Variants in TMEM232 observed in about 807,000 individuals in gnomAD.
TMEM232 encodes transmembrane protein 232.
TMEM232 carries 80 observed loss-of-function variants against 78.8 expected under a neutral mutation model. That is an observed-to-expected ratio of 1.01 (90% CI 0.85 to 1.22). The LOEUF (loss-of-function observed/expected upper bound fraction) is 1.22, where lower values mean the gene tolerates loss of function less well. TMEM232 is among the 50% of genes most tolerant of loss of function. The pLI is 0.00. For missense variants in TMEM232, 881 were observed against 742.2 expected (o/e 1.19, Z -2.17); for synonymous variants, 297 against 254.3 (o/e 1.17, Z -1.60).
At chr5:110,595,731 G>C (rs772081690) in intron 10 of TMEM232, among the ~76,000 whole-genome samples, 2 of 152,108 alleles carry the variant, frequency 1.3e-5, no homozygotes, top group Non-Finnish European at 2.9e-5. Flanking sequence ...AGAGAAAAAA[G>C]AATGAAAAGG....
intron 2 of TMEM232, among the ~76,000 whole-genome samples, chr5:110,645,954 C>G (rs1054811229): frequency 6.6e-6 from 1 of 151,320 alleles, no homozygotes; most frequent in African/African-American, 2.4e-5. Context: ...GAAAACAATC[C>G]TATTTATAAT....
intron 2 of TMEM232, among the ~76,000 whole-genome samples, chr5:110,653,742 A>G (rs1260130125): frequency 2.6e-5 from 4 of 152,196 alleles, no homozygotes; most frequent in Non-Finnish European, 5.9e-5. Flanking sequence ...CATCAAGATA[A>G]TTGGACGGGA....
chr5:110,677,736 A>C (rs1294289811), intron 1 of TMEM232, among the ~76,000 whole-genome samples: 1 of 152,186 alleles, frequency 6.6e-6, no homozygotes, highest in Non-Finnish European at 1.5e-5. Context: ...TTTGACATTA[A>C]ATTTTGAAAA....
At position 110,566,555 on chromosome 5, in the gene TMEM232, A is replaced by G. The variant is rs138950752; in HGVS notation, c.1455+1892T>C. ...TCTAGAGCAGGGGCAAAATGCTGCC[A>G]GTCTCTTTGCATAGCAAGAGTGACC... is the stretch of plus-strand genomic sequence containing the variant. On this transcript the variant is annotated intron_variant, in intron 11 of 13. Coordinates refer to ENST00000455884, the MANE Select transcript of TMEM232 (RefSeq NM_001039763.4). 3.6e-3 allele frequency among the ~76,000 whole-genome samples: 553 copies of G among 152,074 alleles called. 2 individuals are homozygous for G. The highest frequency in any genetic ancestry group is 0.013 in the African/African-American group (538 of 41,540).
At chr5:110,506,204 A>AT (rs1222680742) in intron 12 of TMEM232, among the ~76,000 whole-genome samples, 2 of 151,746 alleles carry the variant, frequency 1.3e-5, no homozygotes, top group African/African-American at 4.8e-5. Flanking sequence ...AAACTGACCT[A>AT]TTTTTTTCCA....
chr5:110,532,524 C>A (rs894618031), intron 11 of TMEM232, among the ~76,000 whole-genome samples: 2 of 151,990 alleles, frequency 1.3e-5, no homozygotes, highest in Non-Finnish European at 2.9e-5. Flanking sequence ...TTAAAACTCC[C>A]CAACTCTGGT....
At position 110,651,999 on chromosome 5, in the gene TMEM232, AT is replaced by A. The variant is rs1788382058; in HGVS notation, c.126-9629del. Among the ~76,000 whole-genome samples, 4 of 152,130 alleles carry A rather than the reference AT, an allele frequency of 2.6e-5. No homozygotes were observed. In the South Asian group the frequency reaches 8.3e-4, roughly 31 times the overall value. On this transcript the variant is annotated intron_variant, in intron 2 of 13. Transcript: ENST00000455884. ...CAAACATCTGGTGTTTGCTTTATAT[AT>A]ACTGCTTGAAATGTATAAAATGTAC...
chr5:110,677,076 T>C (rs927756504), intron 1 of TMEM232, among the ~76,000 whole-genome samples: 5 of 152,176 alleles, frequency 3.3e-5, no homozygotes, highest in Non-Finnish European at 5.9e-5. Flanking sequence ...GCTTGTGTAA[T>C]AGCCATTCTA....
intron 12 of TMEM232, among the ~76,000 whole-genome samples, chr5:110,487,404 G>A (rs1366365638): frequency 6.6e-6 from 1 of 152,064 alleles, no homozygotes; most frequent in African/African-American, 2.4e-5. Flanking sequence ...CAGAGGGAAT[G>A]CTTTCAACTT....
intron 12 of TMEM232, among the ~76,000 whole-genome samples, chr5:110,491,424 A>G (rs1005610820): frequency 6.6e-6 from 1 of 152,016 alleles, no homozygotes. Flanking sequence ...CAAAAAGTTA[A>G]ACTCTATGTA....
At chr5:110,467,288 G>T (rs1274925610) in intron 12 of TMEM232, among the ~76,000 whole-genome samples, 2 of 152,144 alleles carry the variant, frequency 1.3e-5, no homozygotes, top group South Asian at 2.1e-4. Flanking sequence ...TGTCAGTTCT[G>T]CCTGCAGAAT....
intron 12 of TMEM232, among the ~76,000 whole-genome samples, chr5:110,496,793 A>G (rs1216063647): frequency 2.0e-5 from 3 of 152,044 alleles, no homozygotes; most frequent in Middle Eastern, 3.2e-3. Context: ...CCAATTTTTG[A>G]GAAAAAAATA....
chr5:110,667,561 T>C lies in TMEM232; in HGVS notation c.-12-197A>G, dbSNP rs879035997. The C allele has an allele frequency of 8.3e-6, 3 of 359,576 alleles. No individual in the cohort carries two copies. The South Asian group carries it at 1.5e-4, about 18-fold the overall frequency. The allele number at this position is 359,576 out of a possible 1,614,324, so 22.3% of individuals were successfully genotyped here. A position where few individuals can be genotyped will look rare whatever the true frequency, so the allele number is the denominator to read the frequency against. ...AAATAAGTACAAAAAGTTACTATTA[T>C]AAGTATATATATCCAGTCTTTATTA... On this transcript the variant is annotated intron_variant, in intron 1 of 13. Coordinates refer to ENST00000455884, the MANE Select transcript of TMEM232 (RefSeq NM_001039763.4).
chr5:110,611,623 A>G (rs1782288016), intron 8 of TMEM232, among the ~76,000 whole-genome samples: 1 of 152,114 alleles, frequency 6.6e-6, no homozygotes, highest in African/African-American at 2.4e-5. Context: ...TTTTTTCAAT[A>G]TAATGGCAAT....
At chr5:110,547,790 G>A (rs1245367637) in intron 11 of TMEM232, among the ~76,000 whole-genome samples, 1 of 151,996 alleles carries the variant, frequency 6.6e-6, no homozygotes, top group African/African-American at 2.4e-5. Context: ...TTGAGGTCAG[G>A]AGCTTGAGAC....
At chr5:110,711,902 C>T (rs113625662) in intron 1 of TMEM232, among the ~76,000 whole-genome samples, 18 of 151,948 alleles carry the variant, frequency 1.2e-4, no homozygotes, top group African/African-American at 4.1e-4. Flanking sequence ...GTCAGGAGAA[C>T]AAGACCATAC....
chr5:110,454,041 T>C (rs1021966593), intron 12 of TMEM232, among the ~76,000 whole-genome samples: 4 of 152,118 alleles, frequency 2.6e-5, no homozygotes, highest in African/African-American at 4.8e-5. Flanking sequence ...AATAAAGAAA[T>C]AGACAAATCT....
At chr5:110,669,523 T>C (rs1580594875) in intron 1 of TMEM232, among the ~76,000 whole-genome samples, 1 of 152,218 alleles carries the variant, frequency 6.6e-6, no homozygotes, top group Non-Finnish European at 1.5e-5. Context: ...AAGGACCAGA[T>C]GGATTCACAG....
chr5:110,427,016 CT>C (rs1436130672), intron 12 of TMEM232, among the ~76,000 whole-genome samples: 1 of 151,828 alleles, frequency 6.6e-6, no homozygotes, highest in African/African-American at 2.4e-5. Flanking sequence ...AATGAATATG[CT>C]TATACATCTG....
Sources: gnomAD v4.1 joint callset for allele counts (sites outside exome capture counted in the v4.1 genomes callset) on GRCh38, gnomAD v4.1.1 for gene constraint, MANE v1.5 for transcripts, NCBI Gene and HGNC (gene_info 2026-07-23, HGNC 2026-07-21) for gene names.